The following RPL6 variants were observed in gnomAD, a reference collection of about 807,000 sequenced individuals.
RPL6 encodes the protein ribosomal protein L6, also known as large ribosomal subunit protein eL6.
In RPL6, 1 loss-of-function variant was observed where a neutral mutation model predicts 32.1. That is an observed-to-expected ratio of 0.03 (90% CI 0.01 to 0.15). The LOEUF (loss-of-function observed/expected upper bound fraction) is 0.15, where lower values mean the gene tolerates loss of function less well. RPL6 is among the 10% of genes least tolerant of loss of function. The pLI, the probability that RPL6 is intolerant of heterozygous loss-of-function variation, is 1.00. For synonymous variants in RPL6, 126 were observed against 131.6 expected (o/e 0.96, Z 0.29); for missense variants, 275 against 354.6 (o/e 0.78, Z 1.80).
Position 112,408,280 on chromosome 12 carries a change from TCAC to T in RPL6, c.293_295del (p.Gly98del). The T allele has an allele frequency of 6.2e-7, 1 of 1,614,246 alleles. No homozygotes were observed. The highest frequency in any genetic ancestry group is 8.5e-7 in the Non-Finnish European group (1 of 1,180,054). On this transcript the variant is annotated inframe_deletion, in exon 3 of 7. Coordinates refer to ENST00000202773, the MANE Select transcript of RPL6 (RefSeq NM_000970.6). The stretch of plus-strand genomic sequence containing the variant: ...AACCACCCGGGTACCGCCGTTCTTG[TCAC>T]CACCAACTGGTTTTGTAACAGTTGC...
intron 1 of RPL6, among the ~76,000 whole-genome samples, chr12:112,417,467 C>T (rs576686198): frequency 4.0e-4 from 60 of 151,712 alleles, no homozygotes; most frequent in Non-Finnish European, 7.5e-4. Flanking sequence ...TATAGTATTC[C>T]GTATTTTGAC....
At position 112,406,868 on chromosome 12, in the gene RPL6, T is replaced by G. The variant is rs2037186022; in HGVS notation, c.359A>C (p.Asp120Ala). Reference sequence around the variant, plus strand: ...GTGGCTCAACAGCTTTCGAGGCACATCTTCAGTAGGATAATATCTAGGCTG... The same window carrying G: ...GTGGCTCAACAGCTTTCGAGGCACAGCTTCAGTAGGATAATATCTAGGCTG... The part of the protein sequence containing the change: ...RKMPRYYPTE[D>A]VPRKLLSHGK... The change falls in exon 4 of 7, where the codon GAT becomes GCT. Residue 120 changes from aspartate (D) to alanine (A), a missense_variant. Coordinates refer to ENST00000202773, the MANE Select transcript of RPL6 (RefSeq NM_000970.6). 6.2e-7 allele frequency: 1 copy of G among 1,614,116 alleles called. No individual in the cohort carries two copies. The highest frequency in any genetic ancestry group is 1.3e-5 in the African/African-American group (1 of 74,936).
At chr12:112,407,071 T>C in intron 3 of RPL6, 181 bp from the exon 4 acceptor site, 1 of 592,216 alleles carries the variant, frequency 1.7e-6, no homozygotes, top group Non-Finnish European at 2.9e-6. Flanking sequence ...TTCTGCATCC[T>C]GTGTGCAAAA....
chr12:112,416,546 G>T (rs2037412886), intron 1 of RPL6, among the ~76,000 whole-genome samples: 1 of 152,178 alleles, frequency 6.6e-6, no homozygotes, highest in Non-Finnish European at 1.5e-5. Context: ...AAAGTGCTGG[G>T]ATTACAGGTG....
In RPL6 at chr12:112,408,770, C is replaced by G. The variant is rs925584692; in HGVS notation, c.1-114G>C. ...GGCTCCCCAGACTACAATCCCTCCCCCGGTAAGATACAGGCCTTCCTCTCA... is the reference window on the plus strand; with the variant it reads ...GGCTCCCCAGACTACAATCCCTCCCGCGGTAAGATACAGGCCTTCCTCTCA... On this transcript the variant is annotated intron_variant, in intron 1 of 6. Transcript: ENST00000202773. 5.8e-6 allele frequency: 5 copies of G among 858,914 alleles called. No individual in the cohort carries two copies. In the African/African-American group the frequency reaches 8.4e-5, roughly 14 times the overall value. The allele number at this position is 858,914 out of a possible 1,614,324, so 53.2% of individuals were successfully genotyped here.
intron 3 of RPL6, 56 bp downstream of exon 3, chr12:112,408,184 T>TAACAGTTTCACAGTTTATG (rs752879746): frequency 7.7e-7 from 1 of 1,290,550 alleles, no homozygotes; most frequent in East Asian, 2.3e-5. Context: ...TTCAAAAACA[T>TAACAGTTTCACAGTTTATG]CTTCACAGTA....
intron 4 of RPL6, 43 bp downstream of exon 4, chr12:112,406,704 C>A: frequency 6.2e-7 from 1 of 1,609,176 alleles, no homozygotes; most frequent in East Asian, 2.2e-5. Flanking sequence ...ACCAGGCACC[C>A]CAGGCAGCTG....
chr12:112,406,132 A>C (rs774631221), intron 5 of RPL6, 95 bp from the exon 6 acceptor site: 35 of 1,279,536 alleles, frequency 2.7e-5, no homozygotes, highest in East Asian at 4.6e-5. Flanking sequence ...TACACAAAGA[A>C]GACCACTTGT....
rs372904726 is a variant in RPL6, at chr12:112,408,697, A to G, written c.1-41T>C. 273 of 1,500,994 alleles carry G rather than the reference A, an allele frequency of 1.8e-4. No individual in the cohort carries two copies. In the African/African-American group the frequency reaches 3.3e-3, roughly 18 times the overall value. The allele number at this position is 1,500,994 out of a possible 1,614,324, so 93.0% of individuals were successfully genotyped here. On this transcript the variant is annotated intron_variant, in intron 1 of 6. Transcript: ENST00000202773. ...TGTAGATAAAAAAAGGCATTTCACC[A>G]GTCATCTCTCTAACAAGACAATAAT...
At chr12:112,407,145 T>C (rs1200438407) in intron 3 of RPL6, 4 of 383,318 alleles carry the variant, frequency 1.0e-5, no homozygotes, top group African/African-American at 8.3e-5. Context: ...GCAAGTCACC[T>C]TTGCAATCTT....
chr12:112,414,109 TGGA>T (rs2037374214), upstream of RPL6, among the ~76,000 whole-genome samples: 1 of 152,162 alleles, frequency 6.6e-6, no homozygotes, highest in Non-Finnish European at 1.5e-5. Context: ...GTTTTCCAGG[TGGA>T]GAAGGGTTTG....
Position 112,408,603 on chromosome 12 carries a change from G to C in RPL6, c.54C>G (p.Ala18=), listed in dbSNP as rs1199004029. ...KPDTKEKKPE[A]KKVDAGGKVK... is the part of the protein sequence containing the mutation. ...CCTTGCCACCAGCATCAACCTTCTT[G>C]GCTTCGGGTTTCTTCTCTTTAGTAT... Residue 18 remains alanine, a synonymous_variant, in exon 2 of 7, where the codon GCC becomes GCG. Transcript: ENST00000202773. 6.3e-7 allele frequency: 1 copy of C among 1,592,362 alleles called. No homozygotes were observed. Among genetic ancestry groups the C allele is most frequent in the Non-Finnish European group, 8.5e-7 (1 of 1,176,070 alleles).
At chr12:112,417,806 C>T (rs539450216) in intron 1 of RPL6, among the ~76,000 whole-genome samples, 2 of 150,776 alleles carry the variant, frequency 1.3e-5, no homozygotes, top group East Asian at 2.0e-4. Flanking sequence ...TACAGGCGCG[C>T]GCCACCACGC....
chr12:112,406,278 C>A lies in RPL6; in HGVS notation c.529+16G>T. The A allele has an allele frequency of 6.2e-7, 1 of 1,608,730 alleles. No individual in the cohort carries two copies. The highest frequency in any genetic ancestry group is 1.3e-5 in the African/African-American group (1 of 74,904). ...TGGAAGTTTCACAGAACATCACAAT[C>A]CAAGGATTTTCTTACCAGTCACAAG... On this transcript the variant is annotated intron_variant, in intron 5 of 6. Coordinates refer to ENST00000202773, the MANE Select transcript of RPL6 (RefSeq NM_000970.6).
At chr12:112,414,285 T>G (rs2037376443), upstream of RPL6, among the ~76,000 whole-genome samples, 1 of 152,218 alleles carries the variant, frequency 6.6e-6, no homozygotes, top group Admixed American at 6.5e-5. Flanking sequence ...GCTAGAGGGT[T>G]TGAACCTCCT....
chr12:112,410,233 C>A, upstream of RPL6: 1 of 213,650 alleles, frequency 4.7e-6, no homozygotes, highest in South Asian at 8.1e-5. Context: ...GCGGGAGGAT[C>A]ACTTGAGTCT....
upstream of RPL6, among the ~76,000 whole-genome samples, chr12:112,410,008 G>GAAAAAAAAAAAAAAA (rs367708899): frequency 2.7e-5 from 2 of 74,502 alleles, no homozygotes. Context: ...TCTCAAAAAA[G>GAAAAAAAAAAAAAAA]AAAAAAAAAA....
chr12:112,412,637 C>T (rs2037354485), upstream of RPL6, among the ~76,000 whole-genome samples: 1 of 152,072 alleles, frequency 6.6e-6, no homozygotes, highest in Non-Finnish European at 1.5e-5. Flanking sequence ...CCATACCTGG[C>T]TAATTTTTTT....
At chr12:112,406,218 A>G in intron 5 of RPL6, 76 bp downstream of exon 5, 1 of 1,361,100 alleles carries the variant, frequency 7.3e-7, no homozygotes, top group African/African-American at 1.4e-5. Flanking sequence ...TGTAGGCAGT[A>G]GCAAACAAAC....
Sources: gnomAD v4.1 joint callset for allele counts (sites outside exome capture counted in the v4.1 genomes callset) on GRCh38, gnomAD v4.1.1 for gene constraint, MANE v1.5 for transcripts, NCBI Gene and HGNC (gene_info 2026-07-23, HGNC 2026-07-21) for gene names.